KIAA0319L: variants seen among roughly 807,000 people sequenced by gnomAD.
The protein encoded by KIAA0319L is dyslexia-associated protein KIAA0319-like protein.
Under a neutral mutation model 120.1 loss-of-function variants are expected in KIAA0319L, and 55 were observed. The observed-to-expected ratio is 0.46, with a 90% CI of 0.37 to 0.57. KIAA0319L has a LOEUF of 0.57. Ranked by LOEUF, KIAA0319L falls within the 20% of genes least tolerant of loss-of-function variation. KIAA0319L has a pLI of 0.00. For synonymous variants in KIAA0319L, 398 were observed against 471.9 expected (o/e 0.84, Z 2.03); for missense variants, 1,049 against 1,255.3 (o/e 0.84, Z 2.48).
At chr1:35,520,392 C>A (rs779554311) in intron 2 of KIAA0319L, among the ~76,000 whole-genome samples, 1 of 152,008 alleles carries the variant, frequency 6.6e-6, no homozygotes, top group Non-Finnish European at 1.5e-5. Context: ...GCCACTGCAC[C>A]CGGCCTCTTT....
chr1:35,475,037 C>T (rs1643858718), intron 4 of KIAA0319L, 131 bp from the exon 5 acceptor site: 1 of 591,382 alleles, frequency 1.7e-6, no homozygotes, highest in Non-Finnish European at 2.9e-6. Flanking sequence ...CTTTTTTCTA[C>T]TCTCTAATTG....
intron 2 of KIAA0319L, among the ~76,000 whole-genome samples, chr1:35,513,289 T>TCA (rs1491413167): frequency 9.9e-5 from 7 of 70,628 alleles, no homozygotes; most frequent in African/African-American, 4.0e-4. Flanking sequence ...TATATATATA[T>TCA]TTTTTTTTTT....
intron 19 of KIAA0319L, among the ~76,000 whole-genome samples, chr1:35,441,883 C>CGG (rs1037325184): frequency 3.9e-5 from 6 of 152,192 alleles, no homozygotes; most frequent in African/African-American, 1.4e-4. Flanking sequence ...TAAAAACTCG[C>CGG]GGGCTATGCT....
At chr1:35,508,447 C>A (rs12067425) in intron 2 of KIAA0319L, among the ~76,000 whole-genome samples, 3 of 151,996 alleles carry the variant, frequency 2.0e-5, no homozygotes, top group Non-Finnish European at 2.9e-5. Flanking sequence ...AAATGTCCAA[C>A]GGACTAAATG....
At chr1:35,543,769 G>A (rs1646881022) in intron 2 of KIAA0319L, among the ~76,000 whole-genome samples, 1 of 152,158 alleles carries the variant, frequency 6.6e-6, no homozygotes, top group South Asian at 2.1e-4. Context: ...TCTTGCTAAG[G>A]CAGGAGGTGA....
At chr1:35,546,946 G>A (rs984580049) in intron 2 of KIAA0319L, among the ~76,000 whole-genome samples, 1 of 149,600 alleles carries the variant, frequency 6.7e-6, no homozygotes, top group Non-Finnish European at 1.5e-5. Context: ...ATAACATCCA[G>A]CAATTCCACT....
chr1:35,494,013 T>A (rs1394138201), intron 3 of KIAA0319L, among the ~76,000 whole-genome samples: 1 of 152,110 alleles, frequency 6.6e-6, no homozygotes, highest in Non-Finnish European at 1.5e-5. Context: ...TGATCTACAC[T>A]CCCAATACAA....
chr1:35,526,187 T>TGAC (rs1646119602), intron 2 of KIAA0319L, among the ~76,000 whole-genome samples: 1 of 151,488 alleles, frequency 6.6e-6, no homozygotes, highest in African/African-American at 2.4e-5. Context: ...TCTGTCCCAT[T>TGAC]AGTCTATGTG....
At chr1:35,518,698 A>T (rs973996895) in intron 2 of KIAA0319L, among the ~76,000 whole-genome samples, 2 of 152,142 alleles carry the variant, frequency 1.3e-5, no homozygotes, top group Admixed American at 6.6e-5. Context: ...GTGCCCCCGA[A>T]CCTAAAATAA....
chr1:35,515,997 C>T (rs1645663636), intron 2 of KIAA0319L, among the ~76,000 whole-genome samples: 2 of 152,022 alleles, frequency 1.3e-5, no homozygotes, highest in African/African-American at 2.4e-5. Flanking sequence ...CAAGATTGAA[C>T]CAAGAAGAAA....
chr1:35,443,599 G>A (rs187095067), intron 17 of KIAA0319L, among the ~76,000 whole-genome samples: 1 of 152,092 alleles, frequency 6.6e-6, no homozygotes, highest in African/African-American at 2.4e-5. Flanking sequence ...TTGAACCCGG[G>A]GGGGCGGAGG....
At chr1:35,496,538 C>A (rs1326007191) in intron 3 of KIAA0319L, among the ~76,000 whole-genome samples, 2 of 152,170 alleles carry the variant, frequency 1.3e-5, no homozygotes, top group Non-Finnish European at 2.9e-5. Flanking sequence ...ATGTTCCTAG[C>A]GTCTTAATCT....
chr1:35,521,504 G>A (rs951938344), intron 2 of KIAA0319L, among the ~76,000 whole-genome samples: 2 of 151,446 alleles, frequency 1.3e-5, no homozygotes, highest in Non-Finnish European at 2.9e-5. Context: ...CATGGTGGTG[G>A]GCACCTGCAG....
intron 8 of KIAA0319L, 49 bp downstream of exon 8, chr1:35,462,572 G>T: frequency 1.4e-6 from 2 of 1,433,382 alleles, no homozygotes; most frequent in Non-Finnish European, 2.0e-6. Context: ...TTCTATCAGA[G>T]TACACGGTGA....
chr1:35,479,533 C>CTAT (rs1369627993), intron 3 of KIAA0319L, among the ~76,000 whole-genome samples: 1 of 152,128 alleles, frequency 6.6e-6, no homozygotes, highest in Non-Finnish European at 1.5e-5. Flanking sequence ...TATTGAGCAC[C>CTAT]TATTACAAAA....
intron 3 of KIAA0319L, among the ~76,000 whole-genome samples, chr1:35,480,999 CA>C (rs1343100099): frequency 6.6e-6 from 1 of 152,144 alleles, no homozygotes; most frequent in African/African-American, 2.4e-5. Context: ...TGTTTGCTAT[CA>C]AAGTGAGATT....
chr1:35,470,764 T>C (rs1643572893), intron 6 of KIAA0319L, 99 bp downstream of exon 6: 2 of 780,600 alleles, frequency 2.6e-6, no homozygotes, highest in African/African-American at 3.4e-5. Flanking sequence ...TAAAAGACTG[T>C]TTACAACTTA....
chr1:35,516,134 T>C (rs997856428), intron 2 of KIAA0319L, among the ~76,000 whole-genome samples: 1 of 152,176 alleles, frequency 6.6e-6, no homozygotes, highest in African/African-American at 2.4e-5. Context: ...AAAGAAGAGC[T>C]GGTACCTTCC....
In KIAA0319L at chr1:35,434,600, A is replaced by C. The variant is rs955632601; in HGVS notation, c.*294T>G. ...CCACTGGGGAGCTGCAGAGCTTAGC[A>C]GCTGGCTGGGTCTGCCCTCGGGGGA... On this transcript the variant is annotated 3_prime_UTR_variant, in exon 21 of 21. Transcript: ENST00000325722. The C allele has an allele frequency of 2.6e-5, 10 of 382,124 alleles. No homozygotes were observed. The highest frequency in any genetic ancestry group is 4.8e-5 in the Non-Finnish European group (10 of 210,176). 23.7% of individuals were successfully genotyped at this position (382,124 alleles called of 1,614,324 possible). A position where few individuals can be genotyped will look rare whatever the true frequency, so the allele number is the denominator to read the frequency against.
Sources: allele counts gnomAD v4.1 joint callset (sites outside exome capture counted in the v4.1 genomes callset), GRCh38; gene constraint gnomAD v4.1.1; transcripts MANE v1.5; gene names NCBI Gene and HGNC (gene_info 2026-07-23, HGNC 2026-07-21).